The following GPR161 variants were observed in gnomAD, a reference collection of about 807,000 sequenced individuals.
GPR161 encodes G-protein coupled receptor RE2.
Under a neutral mutation model 39.2 loss-of-function variants are expected in GPR161, and 25 were observed. The ratio of observed to expected loss-of-function variants is 0.64; its 90% CI spans 0.47 to 0.89. The LOEUF (loss-of-function observed/expected upper bound fraction) is 0.89, where lower values mean the gene tolerates loss of function less well. Ranked by LOEUF, GPR161 falls within the 40% of genes least tolerant of loss-of-function variation. The pLI, the probability that GPR161 is intolerant of heterozygous loss-of-function variation, is 0.00. For synonymous variants in GPR161, 286 were observed against 276.6 expected (o/e 1.03, Z -0.34); for missense variants, 547 against 677.8 (o/e 0.81, Z 2.14).
chr1:168,101,372 G>C (rs1283176972), intron 2 of GPR161, among the ~76,000 whole-genome samples: 1 of 152,196 alleles, frequency 6.6e-6, no homozygotes, highest in Non-Finnish European at 1.5e-5. Flanking sequence ...TCCAGCATCT[G>C]GTGGGTAGAG....
intron 1 of GPR161, chr1:168,118,773 A>C (rs1259153409): frequency 6.6e-6 from 1 of 152,188 alleles, no homozygotes; most frequent in Non-Finnish European, 1.5e-5. Flanking sequence ...AAAGTTTTTA[A>C]ATAGACAAAT....
intron 1 of GPR161, among the ~76,000 whole-genome samples, chr1:168,134,280 T>C (rs901585347): frequency 2.6e-5 from 4 of 152,182 alleles, no homozygotes; most frequent in African/African-American, 9.7e-5. Context: ...GCTCCAGCAC[T>C]CCCTGAACAT....
Position 168,085,801 on chromosome 1 carries a change from G to A in GPR161, c.1325-5C>T, listed in dbSNP as rs771788199. 6.2e-7 allele frequency: 1 copy of A among 1,605,336 alleles called. No individual in the cohort carries two copies. The highest frequency in any genetic ancestry group is 1.3e-5 in the African/African-American group (1 of 74,684). On this transcript the variant is annotated splice_region_variant and splice_polypyrimidine_tract_variant and intron_variant, in intron 5 of 5. Transcript: ENST00000682931. ...GAATCGAGTTCTTGGCAGCTTCTGA[G>A]GGAGAAGGCAGAAAAAAAAGTCAGC...
chr1:168,121,924 A>T (rs962914263), intron 1 of GPR161, among the ~76,000 whole-genome samples: 48 of 152,156 alleles, frequency 3.2e-4, no homozygotes, highest in African/African-American at 1.1e-3. Flanking sequence ...GCTGGGTCAC[A>T]AAAGATCAGA....
chr1:168,132,164 C>G (rs935787481), intron 1 of GPR161, among the ~76,000 whole-genome samples: 1 of 152,154 alleles, frequency 6.6e-6, no homozygotes, highest in Non-Finnish European at 1.5e-5. Flanking sequence ...ACGTGGGAGG[C>G]TGAGGCAGGA....
At chr1:168,128,063 G>C (rs1291771246) in intron 1 of GPR161, among the ~76,000 whole-genome samples, 1 of 152,160 alleles carries the variant, frequency 6.6e-6, no homozygotes, top group East Asian at 1.9e-4. Flanking sequence ...GTAAGCAGCT[G>C]ACTGAGAAAT....
In GPR161 at chr1:168,136,880, C is replaced by T. The variant is rs1224829685; in HGVS notation, c.-186G>A. ...CAGCCCACCGAGCCCCGCTTCGCTC[C>T]TCCCGCGGGCCAGCCACCAGCACGC... On this transcript the variant is annotated 5_prime_UTR_variant, in exon 1 of 6. Coordinates refer to ENST00000682931, the MANE Select transcript of GPR161 (RefSeq NM_001375883.1). 3.1e-6 allele frequency: 3 copies of T among 982,034 alleles called. No homozygotes were observed. Among genetic ancestry groups the T allele is most frequent in the East Asian group, 1.1e-4 (1 of 8,760 alleles). 60.8% of individuals were successfully genotyped at this position (982,034 alleles called of 1,614,324 possible).
At chr1:168,127,072 G>A (rs1698645316) in intron 1 of GPR161, among the ~76,000 whole-genome samples, 1 of 152,184 alleles carries the variant, frequency 6.6e-6, no homozygotes, top group East Asian at 1.9e-4. Context: ...AGGAATCTAC[G>A]AGGTAATGAG....
intron 1 of GPR161, 155 bp from the exon 2 acceptor site, chr1:168,105,049 C>T: frequency 3.3e-6 from 2 of 602,122 alleles, no homozygotes; most frequent in Non-Finnish European, 2.9e-6. Flanking sequence ...GTAAGCGCTA[C>T]ATAAGTGGGC....
intron 1 of GPR161, among the ~76,000 whole-genome samples, chr1:168,127,820 G>A (rs1274650958): frequency 6.6e-6 from 1 of 152,206 alleles, no homozygotes; most frequent in African/African-American, 2.4e-5. Context: ...TTCAAGATGA[G>A]ATTTGGCTGG....
At chr1:168,134,788 C>G (rs1572402042) in intron 1 of GPR161, 2 of 858,228 alleles carry the variant, frequency 2.3e-6, no homozygotes, top group East Asian at 2.7e-5. Flanking sequence ...TGCCCCCTTA[C>G]TGGAGACAGG....
intron 4 of GPR161, chr1:168,087,950 G>A (rs1694705537): frequency 2.4e-6 from 1 of 412,498 alleles, no homozygotes. Flanking sequence ...TCTGAAGTAG[G>A]GGGTTATCTG....
At position 168,087,597 on chromosome 1, in the gene GPR161, C is replaced by T. The variant is rs1694657591; in HGVS notation, c.1312G>A (p.Glu438Lys). The T allele has an allele frequency of 6.2e-7, 1 of 1,613,954 alleles. No homozygotes were observed. Among genetic ancestry groups the T allele is most frequent in the Non-Finnish European group, 8.5e-7 (1 of 1,179,990 alleles). ...RSSVTFEDEV[E>K]QIKEAAKNSI... is the part of the protein sequence containing the mutation. Reference sequence around the variant, plus strand: ...CACAGAAGCCAACCTTTGATTTGTTCCACTTCATCCTCAAATGTCACCGAG... The same window carrying T: ...CACAGAAGCCAACCTTTGATTTGTTTCACTTCATCCTCAAATGTCACCGAG... Residue 438 changes from glutamate to lysine, a missense_variant, in exon 5 of 6, where the codon GAA becomes AAA. By Grantham distance (56) the Glu-to-Lys change is moderately conservative. Coordinates refer to ENST00000682931, the MANE Select transcript of GPR161 (RefSeq NM_001375883.1).
intron 1 of GPR161, among the ~76,000 whole-genome samples, chr1:168,120,714 C>T (rs1389805175): frequency 6.6e-6 from 1 of 152,076 alleles, no homozygotes; most frequent in African/African-American, 2.4e-5. Flanking sequence ...ATGCTGTTCT[C>T]GTGATAGTGG....
chr1:168,137,370 G>A, upstream of GPR161: 2 of 1,535,850 alleles, frequency 1.3e-6, no homozygotes, highest in South Asian at 1.2e-5. Flanking sequence ...GACGATCCTG[G>A]TATCGCCTTT....
chr1:168,096,429 C>T, intron 3 of GPR161, 79 bp downstream of exon 3: 1 of 1,448,534 alleles, frequency 6.9e-7, no homozygotes, highest in Non-Finnish European at 9.4e-7. Context: ...AGAACTCACC[C>T]ACAAACAGGC....
rs2102089267 is a variant in GPR161, at chr1:168,085,763, G to T, written c.1358C>A (p.Ala453Asp). Residue 453 changes from alanine to aspartate, a missense_variant, in exon 6 of 6, where the codon GCT becomes GAT. Physicochemically the swap from Ala to Asp is moderately radical, Grantham distance 126. Coordinates refer to ENST00000682931, the MANE Select transcript of GPR161 (RefSeq NM_001375883.1). The stretch of plus-strand genomic sequence containing the variant: ...ACTGTCCAAGGACTTGTGTACTTCA[G>T]CTTTCACATGAAGAATCGAGTTCTT... ...AAKNSILHVKAEVHKSLDSYA... is the reference protein window; with the variant it reads ...AAKNSILHVKDEVHKSLDSYA... 1 of 1,613,680 alleles carries T rather than the reference G, an allele frequency of 6.2e-7. No homozygotes were observed. The highest frequency in any genetic ancestry group is 2.2e-5 in the East Asian group (1 of 44,882).
At chr1:168,101,314 C>T (rs182473011) in intron 2 of GPR161, among the ~76,000 whole-genome samples, 22 of 152,186 alleles carry the variant, frequency 1.4e-4, no homozygotes, top group African/African-American at 5.1e-4. Flanking sequence ...CCTGGGTATA[C>T]GTGGCAACGT....
In GPR161 at chr1:168,135,968, G is replaced by A. The variant is rs148752903; in HGVS notation, c.-45+771C>T. 8.9e-4 allele frequency: 953 copies of A among 1,070,342 alleles called. 9 individuals are homozygous for A. In the African/African-American group the frequency reaches 0.015, roughly 16 times the overall value. The allele number at this position is 1,070,342 out of a possible 1,614,324, so 66.3% of individuals were successfully genotyped here. A position where few individuals can be genotyped will look rare whatever the true frequency, so the allele number is the denominator to read the frequency against. On this transcript the variant is annotated intron_variant, in intron 1 of 5. Transcript: ENST00000682931. Reference sequence around the variant, plus strand: ...GCCAATGCGCAGCTATGTGGTTACTGGTGAGCAGACCTCCGGGAAGCACAG... The same window carrying A: ...GCCAATGCGCAGCTATGTGGTTACTAGTGAGCAGACCTCCGGGAAGCACAG...
Sources: allele counts gnomAD v4.1 joint callset (sites outside exome capture counted in the v4.1 genomes callset), GRCh38; gene constraint gnomAD v4.1.1; transcripts MANE v1.5; gene names NCBI Gene and HGNC (gene_info 2026-07-23, HGNC 2026-07-21).